Variants in DEGS2 observed in about 807,000 individuals in gnomAD.
DEGS2 encodes delta 4-desaturase, sphingolipid 2.
A neutral mutation model predicts 23.8 loss-of-function variants in DEGS2; 19 were observed. The observed-to-expected ratio is 0.80, with a 90% CI of 0.56 to 1.17. DEGS2 has a LOEUF of 1.17. DEGS2 is among the 50% of genes most tolerant of loss of function. The probability of loss-of-function intolerance (pLI) is 0.00; values close to 1 mark genes in which losing one functional copy is unlikely to be tolerated. For synonymous variants in DEGS2, 218 were observed against 213.7 expected (o/e 1.02, Z -0.18); for missense variants, 390 against 459.5 (o/e 0.85, Z 1.38).
intron 1 of DEGS2, among the ~76,000 whole-genome samples, chr14:100,159,154 G>T (rs1296939634): frequency 6.6e-6 from 1 of 152,066 alleles, no homozygotes; most frequent in Non-Finnish European, 1.5e-5. Context: ...GAGCGCGTGC[G>T]CCTCGTAGCG....
chr14:100,163,357 G>A (rs368373287), upstream of DEGS2, among the ~76,000 whole-genome samples: 16 of 152,298 alleles, frequency 1.1e-4, no homozygotes, highest in South Asian at 2.3e-3. Context: ...CAGGAGAATC[G>A]CTTGAATCCA....
intron 1 of DEGS2, among the ~76,000 whole-genome samples, chr14:100,157,573 G>A (rs567277021): frequency 2.0e-5 from 3 of 152,296 alleles, no homozygotes; most frequent in Admixed American, 1.3e-4. Flanking sequence ...CACAGCATAC[G>A]GGAGGCAGCT....
At chr14:100,159,654 C>A (rs1184341110), upstream of DEGS2, 12 of 622,408 alleles carry the variant, frequency 1.9e-5, no homozygotes, top group African/African-American at 1.8e-4. Flanking sequence ...GCGGCGGCCG[C>A]GGCGCGGAAC....
chr14:100,159,679 G>A, upstream of DEGS2: 1 of 648,758 alleles, frequency 1.5e-6, no homozygotes, highest in Non-Finnish European at 2.2e-6. Flanking sequence ...TCTGATTAGG[G>A]CGGGGGCGGG....
the DEGS2 span, among the ~76,000 whole-genome samples, chr14:100,165,369 C>G: frequency 6.6e-6 from 1 of 152,272 alleles, no homozygotes; most frequent in African/African-American, 2.4e-5. Flanking sequence ...CTGACTTCAG[C>G]AGACCCCAGC....
chr14:100,150,389 C>CT (rs1889550189), intron 1 of DEGS2, among the ~76,000 whole-genome samples: 2 of 136,074 alleles, frequency 1.5e-5, no homozygotes, highest in South Asian at 2.2e-4. Context: ...ACCCCAACAC[C>CT]CCCCCCCGCC....
intron 1 of DEGS2, among the ~76,000 whole-genome samples, chr14:100,150,025 A>G (rs1348002390): frequency 1.3e-5 from 2 of 152,206 alleles, no homozygotes; most frequent in Non-Finnish European, 2.9e-5. Flanking sequence ...TGGGCCAGCG[A>G]AGACGATTCA....
upstream of DEGS2, among the ~76,000 whole-genome samples, chr14:100,162,988 C>T (rs114451485): frequency 6.3e-3 from 953 of 152,334 alleles, 13 homozygotes; most frequent in African/African-American, 0.022. Context: ...GACCCAGAGA[C>T]AGCACACGTC....
rs1889530455 is a variant in DEGS2 at position 100,149,641 on chromosome 14, A to C, written c.152T>G (p.Val51Gly). The C allele has an allele frequency of 6.2e-7, 1 of 1,611,942 alleles. No individual in the cohort carries two copies. The highest frequency in any genetic ancestry group is 2.2e-5 in the East Asian group (1 of 44,868). The change falls in exon 2 of 3, where the codon GTG becomes GGG. Residue 51 changes from valine (V) to glycine (G), a missense_variant. Coordinates refer to ENST00000305631, the MANE Select transcript of DEGS2 (RefSeq NM_206918.3). ...CCAGCAGGCCAGCATCTGCACCAGC[A>C]CCAGCACCAGCACCGCCCACTTGAG... The part of the protein sequence containing the change: ...PRLKWAVLVL[V>G]LVQMLACWLV...
chr14:100,151,302 C>T (rs889736243), intron 1 of DEGS2, among the ~76,000 whole-genome samples: 2 of 152,218 alleles, frequency 1.3e-5, no homozygotes, highest in Admixed American at 6.5e-5. Context: ...GGTCTTGGGG[C>T]GATGGCCTGG....
rs1348453227 is a variant in DEGS2 at position 100,158,163 on chromosome 14, C to T, written c.82+1343G>A. ...ATGGCCCATGCCTGTAGTCCCAACACTTTGGGAGGCTGAGATGGGTGGATC... is the reference window on the plus strand; with the variant it reads ...ATGGCCCATGCCTGTAGTCCCAACATTTTGGGAGGCTGAGATGGGTGGATC... On this transcript the variant is annotated intron_variant, in intron 1 of 2. Coordinates refer to ENST00000305631, the MANE Select transcript of DEGS2 (RefSeq NM_206918.3). 7.3e-5 allele frequency among the ~76,000 whole-genome samples: 11 copies of T among 150,500 alleles called. No individual in the cohort carries two copies. In the East Asian group the frequency reaches 2.2e-3, roughly 30 times the overall value.
chr14:100,159,483 G>T (rs942861763), intron 1 of DEGS2, 23 bp downstream of exon 1: 1 of 1,467,014 alleles, frequency 6.8e-7, no homozygotes, highest in East Asian at 2.9e-5. Flanking sequence ...TCCCCACCGG[G>T]GTGGGCCCCG....
chr14:100,160,344 A>T (rs968881346), upstream of DEGS2, among the ~76,000 whole-genome samples: 1 of 152,138 alleles, frequency 6.6e-6, no homozygotes, highest in African/African-American at 2.4e-5. Flanking sequence ...AGCAGCTAGG[A>T]TCCAATAGAA....
At chr14:100,165,454 T>A in the DEGS2 span, among the ~76,000 whole-genome samples, 1 of 152,246 alleles carries the variant, frequency 6.6e-6, no homozygotes, top group African/African-American at 2.4e-5. Context: ...ACAAACCATC[T>A]TTTCAACGGC....
chr14:100,149,889 C>T (rs372960402), intron 1 of DEGS2, among the ~76,000 whole-genome samples, 179 bp from the exon 2 acceptor site: 19 of 152,248 alleles, frequency 1.2e-4, no homozygotes, highest in African/African-American at 3.4e-4. Flanking sequence ...CCACCCTGGC[C>T]GAGCCTCATC....
chr14:100,148,445 C>T (rs938700134), intron 2 of DEGS2, among the ~76,000 whole-genome samples: 2 of 152,196 alleles, frequency 1.3e-5, no homozygotes, highest in African/African-American at 2.4e-5. Flanking sequence ...CTTCCCCTTC[C>T]TCCTTTCTCA....
chr14:100,159,466 G>C, intron 1 of DEGS2, 40 bp downstream of exon 1: 2 of 1,431,066 alleles, frequency 1.4e-6, no homozygotes, highest in Non-Finnish European at 1.8e-6. Context: ...ACGGGCCAAC[G>C]GGGCGGTCCC....
At chr14:100,157,284 T>C (rs1037479183) in intron 1 of DEGS2, among the ~76,000 whole-genome samples, 4 of 152,252 alleles carry the variant, frequency 2.6e-5, no homozygotes, top group Non-Finnish European at 4.4e-5. Context: ...TCCTATTCTA[T>C]GGATATGAGC....
chr14:100,149,412 G>A lies in DEGS2; in HGVS notation c.381C>T (p.Tyr127=). The A allele has an allele frequency of 6.2e-7, 1 of 1,602,728 alleles. No individual in the cohort carries two copies. Among genetic ancestry groups the A allele is most frequent in the Non-Finnish European group, 8.5e-7 (1 of 1,173,506 alleles). Residue 127 remains tyrosine, a synonymous_variant, in exon 2 of 3, where the codon TAC becomes TAT. Transcript: ENST00000305631. ...GVPYAASFKK[Y]HVDHHRYLGG... ...CCAGGTAGCGGTGGTGGTCCACGTG[G>A]TACTTCTTGAAGGAGGCGGCGTAGG...
Sources: allele counts gnomAD v4.1 joint callset (sites outside exome capture counted in the v4.1 genomes callset), GRCh38; gene constraint gnomAD v4.1.1; transcripts MANE v1.5; gene names NCBI Gene and HGNC (gene_info 2026-07-23, HGNC 2026-07-21).